GAL3ST2: variants seen among roughly 807,000 people sequenced by gnomAD.
The protein encoded by GAL3ST2 is galactose-3-O-sulfotransferase 2.
Under a neutral mutation model 12.9 loss-of-function variants are expected in GAL3ST2, and 16 were observed. That is an observed-to-expected ratio of 1.24 (90% CI 0.84 to 1.88). GAL3ST2 has a LOEUF of 1.88. Among genes scored for constraint, GAL3ST2 ranks in the 40% most tolerant of loss-of-function variants. The probability of loss-of-function intolerance (pLI) is 0.00; values close to 1 mark genes in which losing one functional copy is unlikely to be tolerated. For synonymous variants in GAL3ST2, 302 were observed against 273.9 expected (o/e 1.10, Z -1.01); for missense variants, 639 against 571.8 (o/e 1.12, Z -1.20).
intron 1 of GAL3ST2, among the ~76,000 whole-genome samples, chr2:241,778,061 A>G (rs1209577703): frequency 1.3e-5 from 2 of 152,206 alleles, no homozygotes; most frequent in African/African-American, 4.8e-5. Context: ...TGCACGTCCC[A>G]CACTAAGGCC....
Position 241,801,359 on chromosome 2 carries a change from T to TTAAAAAA in GAL3ST2, c.120-422_120-421insTAAAAAA. 1 of 197,460 alleles carries TTAAAAAA rather than the reference T, an allele frequency of 5.1e-6. No individual in the cohort carries two copies. Among genetic ancestry groups the TTAAAAAA allele is most frequent in the Non-Finnish European group, 1.0e-5 (1 of 97,306 alleles). 12.2% of individuals were successfully genotyped at this position (197,460 alleles called of 1,614,324 possible). The stretch of plus-strand genomic sequence containing the variant: ...TGCCACATTTTCTTTACGGTCTCTA[T>TTAAAAAA]GTAACATTCACACCCGGCAGCTGCT... On this transcript the variant is annotated intron_variant, in intron 2 of 3. Coordinates refer to ENST00000192314, the MANE Select transcript of GAL3ST2 (RefSeq NM_022134.3). The surrounding 1 kb of genome is among the most constrained non-coding windows in gnomAD (Gnocchi z 4.4).
intron 1 of GAL3ST2, among the ~76,000 whole-genome samples, chr2:241,794,248 A>G (rs746851697): frequency 1.3e-5 from 2 of 152,104 alleles, no homozygotes; most frequent in African/African-American, 2.4e-5. Flanking sequence ...ACACCTGGCC[A>G]AGACTTTTAT....
chr2:241,804,081 T>A lies in GAL3ST2; in HGVS notation c.1112T>A (p.Met371Lys). 1 of 1,541,058 alleles carries A rather than the reference T, an allele frequency of 6.5e-7. No individual in the cohort carries two copies. The highest frequency in any genetic ancestry group is 8.7e-7 in the Non-Finnish European group (1 of 1,144,158). The change falls in exon 4 of 4, where the codon ATG becomes AAG. Residue 371 changes from methionine to lysine, a missense_variant. Physicochemically the swap from Met to Lys is moderately conservative, Grantham distance 95. Coordinates refer to ENST00000192314, the MANE Select transcript of GAL3ST2 (RefSeq NM_022134.3). ...QTLGVCQRLV[M>K]PELQYMARLY... is the part of the protein sequence containing the mutation. ...CTGGGCGTGTGCCAGAGGCTTGTGATGCCTGAGCTCCAGTACATGGCCCGC... is the reference window on the plus strand; with the variant it reads ...CTGGGCGTGTGCCAGAGGCTTGTGAAGCCTGAGCTCCAGTACATGGCCCGC...
intron 1 of GAL3ST2, among the ~76,000 whole-genome samples, chr2:241,781,370 C>G (rs904504430): frequency 6.6e-6 from 1 of 152,106 alleles, no homozygotes; most frequent in East Asian, 1.9e-4. Context: ...ATTTTTTCCT[C>G]TATTCTGATG....
intron 1 of GAL3ST2, among the ~76,000 whole-genome samples, chr2:241,797,219 T>A (rs1306994183): frequency 6.6e-6 from 1 of 152,234 alleles, no homozygotes; most frequent in East Asian, 1.9e-4. Context: ...TGGTTTTGTG[T>A]CTTGCTTAGA....
chr2:241,781,791 CT>C (rs1699570698), intron 1 of GAL3ST2, among the ~76,000 whole-genome samples: 1 of 152,162 alleles, frequency 6.6e-6, no homozygotes, highest in African/African-American at 2.4e-5. Flanking sequence ...AACCTAATGT[CT>C]TAAAGGATTA....
intron 1 of GAL3ST2, among the ~76,000 whole-genome samples, chr2:241,796,572 G>A (rs66492541): frequency 0.48 from 72,713 of 151,982 alleles, 19,907 homozygotes; most frequent in African/African-American, 0.76. Context: ...TGTTTCATCT[G>A]AAGTTATTTA....
At chr2:241,778,675 C>T (rs1426136740) in intron 1 of GAL3ST2, among the ~76,000 whole-genome samples, 1 of 152,116 alleles carries the variant, frequency 6.6e-6, no homozygotes, top group Non-Finnish European at 1.5e-5. Context: ...GCACCCATGA[C>T]CCAGCCTCAG....
chr2:241,802,108 C>A lies in GAL3ST2; in HGVS notation c.375+72C>A. 6.7e-7 allele frequency: 1 copy of A among 1,496,736 alleles called. No individual in the cohort carries two copies. Among genetic ancestry groups the A allele is most frequent in the South Asian group, 1.3e-5 (1 of 77,196 alleles). The allele number at this position is 1,496,736 out of a possible 1,614,324, so 92.7% of individuals were successfully genotyped here. On this transcript the variant is annotated intron_variant, in intron 3 of 3. Coordinates refer to ENST00000192314, the MANE Select transcript of GAL3ST2 (RefSeq NM_022134.3). This position sits in a 1 kb window ranked among gnomAD's most constrained non-coding sequence, Gnocchi z 4.8. ...TGGCTGTGGGTCTGGGTGGTGTAGC[C>A]TGGAGGCTGGAGAGAAGGAGTGTAA...
intron 2 of GAL3ST2, 87 bp downstream of exon 2, chr2:241,799,241 C>G (rs1315208811): frequency 3.4e-6 from 4 of 1,163,052 alleles, no homozygotes; most frequent in East Asian, 4.8e-5. Flanking sequence ...ATGATCACGC[C>G]CCCCACTGGG....
At chr2:241,782,634 T>C (rs1209562129) in intron 1 of GAL3ST2, among the ~76,000 whole-genome samples, 1 of 151,830 alleles carries the variant, frequency 6.6e-6, no homozygotes, top group East Asian at 1.9e-4. Flanking sequence ...CCCCGAGGGG[T>C]TGAATAGCTT....
At chr2:241,787,703 T>C (rs918415939) in intron 1 of GAL3ST2, among the ~76,000 whole-genome samples, 1 of 152,290 alleles carries the variant, frequency 6.6e-6, no homozygotes, top group Admixed American at 6.5e-5. Flanking sequence ...GAGAGCTGTT[T>C]TCAACCTGAG....
intron 1 of GAL3ST2, among the ~76,000 whole-genome samples, chr2:241,779,367 G>C (rs1191957464): frequency 1.3e-5 from 2 of 151,320 alleles, no homozygotes; most frequent in Admixed American, 1.3e-4. Context: ...CCGAGTAGCT[G>C]GGACTACAGG....
Position 241,803,887 on chromosome 2 carries a change from G to C in GAL3ST2, c.918G>C (p.Glu306Asp). The stretch of plus-strand genomic sequence containing the variant: ...TGGGGCCGCGGCGGCTGCGCGGGGA[G>C]GTGGAGCGGCTGCGCGCCCGGAGGC... ...AELGPRRLRG[E>D]VERLRARRRE... The change falls in exon 4 of 4, where the codon GAG (glutamate) becomes GAC (aspartate). Residue 306 changes from glutamate to aspartate, a missense_variant. Physicochemically the swap from Glu to Asp is conservative, Grantham distance 45. Coordinates refer to ENST00000192314, the MANE Select transcript of GAL3ST2 (RefSeq NM_022134.3). 7.0e-7 allele frequency: 1 copy of C among 1,420,466 alleles called. No individual in the cohort carries two copies. Among genetic ancestry groups the C allele is most frequent in the East Asian group, 3.0e-5 (1 of 33,652 alleles). 88.0% of individuals were successfully genotyped at this position (1,420,466 alleles called of 1,614,324 possible). A position where few individuals can be genotyped will look rare whatever the true frequency, so the allele number is the denominator to read the frequency against.
Position 241,801,680 on chromosome 2 carries a change from T to C in GAL3ST2, c.120-101T>C. ...TGGCCTAGAGTTGGGGGGCTCAGGT[T>C]GGGAGGTCTCTCCTTGCGGTTGCCG... On this transcript the variant is annotated intron_variant, in intron 2 of 3. Transcript: ENST00000192314. This position sits in a 1 kb window ranked among gnomAD's most constrained non-coding sequence, Gnocchi z 4.4. The C allele has an allele frequency of 6.9e-7, 1 of 1,452,854 alleles. No individual in the cohort carries two copies. Among genetic ancestry groups the C allele is most frequent in the East Asian group, 2.4e-5 (1 of 40,942 alleles). The allele number at this position is 1,452,854 out of a possible 1,614,324, so 90.0% of individuals were successfully genotyped here.
chr2:241,778,088 G>A (rs112111808), intron 1 of GAL3ST2, among the ~76,000 whole-genome samples: 16,611 of 152,274 alleles, frequency 0.11, 934 homozygotes, highest in Non-Finnish European at 0.12. Flanking sequence ...CTTTGGCTCC[G>A]GGTGTCCCAG....
intron 1 of GAL3ST2, among the ~76,000 whole-genome samples, chr2:241,786,490 G>GA (rs1419446944): frequency 6.6e-6 from 1 of 151,838 alleles, no homozygotes; most frequent in Non-Finnish European, 1.5e-5. Flanking sequence ...TTAGAAGCAG[G>GA]AAAAAAAGAA....
At chr2:241,799,941 C>T (rs185097874) in intron 2 of GAL3ST2, among the ~76,000 whole-genome samples, 12 of 152,320 alleles carry the variant, frequency 7.9e-5, no homozygotes, top group African/African-American at 2.6e-4. Flanking sequence ...CCCAGCCCTA[C>T]ATCTGGCCGC....
In GAL3ST2 at chr2:241,801,650, C is replaced by A; in HGVS notation, c.120-131C>A. ...CATGGGTCGGTGCCTACCCAGTTGG[C>A]CCCCTGGCCTAGAGTTGGGGGGCTC... On this transcript the variant is annotated intron_variant, in intron 2 of 3. Transcript: ENST00000192314. The surrounding 1 kb of genome is among the most constrained non-coding windows in gnomAD (Gnocchi z 4.4). 1 of 1,256,924 alleles carries A rather than the reference C, an allele frequency of 8.0e-7. No homozygotes were observed. The highest frequency in any genetic ancestry group is 1.1e-6 in the Non-Finnish European group (1 of 925,658). 77.9% of individuals were successfully genotyped at this position (1,256,924 alleles called of 1,614,324 possible).
Sources: gnomAD v4.1 joint callset for allele counts (sites outside exome capture counted in the v4.1 genomes callset) on GRCh38, gnomAD v4.1.1 for gene constraint, Gnocchi (gnomAD v3.1) non-coding constraint, MANE v1.5 for transcripts, NCBI Gene and HGNC (gene_info 2026-07-23, HGNC 2026-07-21) for gene names.